CFAP52: variants seen among roughly 807,000 people sequenced by gnomAD.
CFAP52 encodes cilia and flagella associated protein 52, also known as cilia- and flagella-associated protein 52.
CFAP52 carries 57 observed loss-of-function variants against 70.5 expected under a neutral mutation model. The observed-to-expected ratio is 0.81, with a 90% CI of 0.65 to 1.01. The LOEUF (loss-of-function observed/expected upper bound fraction) is 1.01, where lower values mean the gene tolerates loss of function less well. CFAP52 is among the 50% of genes least tolerant of loss of function. The pLI is 0.00. For missense variants in CFAP52, 785 were observed against 788.5 expected, an observed-to-expected ratio of 1.00 and a Z score of 0.05; for synonymous variants, 267 against 292.5, an observed-to-expected ratio of 0.91 and a Z score of 0.89.
At chr17:9,641,071 T>A (rs372593867) in intron 12 of CFAP52, among the ~76,000 whole-genome samples, 2 of 152,308 alleles carry the variant, frequency 1.3e-5, no homozygotes, top group African/African-American at 4.8e-5. Context: ...AGATTGTGCA[T>A]TCACAAAGTT....
chr17:9,580,244 A>G (rs1908151616), intron 1 of CFAP52, among the ~76,000 whole-genome samples: 1 of 151,256 alleles, frequency 6.6e-6, no homozygotes, highest in Non-Finnish European at 1.5e-5. Context: ...TTTATACCAC[A>G]CTAGCAGAGA....
intron 6 of CFAP52, among the ~76,000 whole-genome samples, chr17:9,601,252 G>C (rs1334072899): frequency 1.5e-5 from 2 of 136,484 alleles, no homozygotes; most frequent in Non-Finnish European, 3.1e-5. Context: ...TCACACACCA[G>C]GGACTGTTGT....
In CFAP52 at chr17:9,576,979, TG is replaced by T. The variant is rs1414188281; in HGVS notation, c.70+216del. On this transcript the variant is annotated intron_variant, in intron 1 of 13. Coordinates refer to ENST00000352665, the MANE Select transcript of CFAP52 (RefSeq NM_145054.5). ...TCGATCCAAGCCTCAGGGAGTGAGA[TG>T]GTTTTTACCAGCTCGGACAAGCGCC... Among the ~76,000 whole-genome samples the T allele has an allele frequency of 2.0e-5, 3 of 152,238 alleles. No homozygotes were observed. The East Asian group carries it at 5.8e-4, about 29-fold the overall frequency.
At chr17:9,644,098 G>GT (rs1341690515), downstream of CFAP52, among the ~76,000 whole-genome samples, 1 of 152,162 alleles carries the variant, frequency 6.6e-6, no homozygotes, top group Non-Finnish European at 1.5e-5. Context: ...GAAAGATCAA[G>GT]TTTTTTGTTT....
chr17:9,584,257 A>C (rs1908346663), intron 1 of CFAP52: 9 of 1,280,314 alleles, frequency 7.0e-6, no homozygotes, highest in Non-Finnish European at 9.1e-6. Flanking sequence ...TCAAGCATAC[A>C]AACTTTTCTC....
At chr17:9,592,249 G>A (rs1348378012) in intron 3 of CFAP52, among the ~76,000 whole-genome samples, 2 of 152,022 alleles carry the variant, frequency 1.3e-5, no homozygotes, top group African/African-American at 4.8e-5. Context: ...GATCGCCTGA[G>A]GTCAGGAGTT....
intron 6 of CFAP52, 108 bp from the exon 7 acceptor site, chr17:9,608,011 T>C: frequency 1.3e-6 from 1 of 751,422 alleles, no homozygotes; most frequent in East Asian, 2.9e-5. Context: ...ATTTTTTTTA[T>C]TGCCATATGT....
chr17:9,579,758 G>T (rs998394541), intron 1 of CFAP52, among the ~76,000 whole-genome samples: 4 of 152,118 alleles, frequency 2.6e-5, no homozygotes, highest in African/African-American at 9.7e-5. Context: ...AATAGACACG[G>T]TGTTTCGCCA....
intron 3 of CFAP52, among the ~76,000 whole-genome samples, chr17:9,587,831 C>G (rs1393884511): frequency 6.6e-6 from 1 of 152,170 alleles, no homozygotes; most frequent in Non-Finnish European, 1.5e-5. Context: ...GTGACAAGGG[C>G]CCTGTCCCCT....
chr17:9,606,006 G>A (rs1013287321), intron 6 of CFAP52, among the ~76,000 whole-genome samples: 1 of 152,072 alleles, frequency 6.6e-6, no homozygotes, highest in Non-Finnish European at 1.5e-5. Context: ...GGGGAAAGAA[G>A]TATTGGGGAA....
At position 9,602,664 on chromosome 17, in the gene CFAP52, G is replaced by C. The variant is rs200347632; in HGVS notation, c.753+2481G>C. On this transcript the variant is annotated intron_variant, in intron 6 of 13. Transcript: ENST00000352665. The stretch of plus-strand genomic sequence containing the variant: ...GATTGCTGGGTCAAATGGTATTTCT[G>C]GTTCTAGATCCTTGAGGAATCACCA... Among the ~76,000 whole-genome samples the C allele has an allele frequency of 7.2e-5, 11 of 152,184 alleles. No homozygotes were observed. The South Asian group carries it at 2.3e-3, about 32-fold the overall frequency.
Position 9,585,914 on chromosome 17 carries a change from C to T in CFAP52, c.212C>T (p.Ala71Val). The stretch of plus-strand genomic sequence containing the variant: ...CATGGCAACAACGTCTCCTGCTTGG[C>T]CATCTCCAGGTCTGGAGAGTACATC... ...QGHGNNVSCL[A>V]ISRSGEYIAS... The change falls in exon 2 of 14, where the codon GCC becomes GTC. Residue 71 changes from alanine to valine, a missense_variant. Coordinates refer to ENST00000352665, the MANE Select transcript of CFAP52 (RefSeq NM_145054.5). 1 of 1,613,782 alleles carries T rather than the reference C, an allele frequency of 6.2e-7. No homozygotes were observed. The highest frequency in any genetic ancestry group is 8.5e-7 in the Non-Finnish European group (1 of 1,179,948).
chr17:9,583,929 AT>A (rs1404370234), intron 1 of CFAP52, among the ~76,000 whole-genome samples: 1 of 152,246 alleles, frequency 6.6e-6, no homozygotes, highest in Non-Finnish European at 1.5e-5. Flanking sequence ...GGTTAGCTTT[AT>A]TGGAGAAGCC....
intron 8 of CFAP52, among the ~76,000 whole-genome samples, chr17:9,627,560 G>T (rs181743544): frequency 2.6e-5 from 4 of 151,994 alleles, no homozygotes; most frequent in South Asian, 4.2e-4. Context: ...ACAGGAAAGG[G>T]TTTGTTTATT....
At chr17:9,627,925 C>G (rs1374524487) in intron 8 of CFAP52, among the ~76,000 whole-genome samples, 2 of 152,096 alleles carry the variant, frequency 1.3e-5, no homozygotes, top group Non-Finnish European at 2.9e-5. Flanking sequence ...GGCAGGGTCT[C>G]ACTATGTTGC....
chr17:9,601,406 TATA>T (rs1301409599), intron 6 of CFAP52, among the ~76,000 whole-genome samples: 4 of 151,970 alleles, frequency 2.6e-5, no homozygotes, highest in Non-Finnish European at 4.4e-5. Flanking sequence ...AAACTTAAAG[TATA>T]ATAATAATAA....
intron 6 of CFAP52, among the ~76,000 whole-genome samples, chr17:9,604,367 A>C (rs1267204870): frequency 6.6e-6 from 1 of 152,204 alleles, no homozygotes; most frequent in East Asian, 1.9e-4. Context: ...ATATTGGCAA[A>C]AGACATACCT....
chr17:9,629,688 C>T (rs999405667), intron 9 of CFAP52, among the ~76,000 whole-genome samples: 30 of 147,388 alleles, frequency 2.0e-4, no homozygotes, highest in African/African-American at 5.9e-4. Context: ...GCTGGGATTA[C>T]AGGCACGCTC....
At chr17:9,641,637 T>A in intron 12 of CFAP52, 87 bp from the exon 13 acceptor site, 1 of 948,372 alleles carries the variant, frequency 1.1e-6, no homozygotes, top group South Asian at 1.4e-5. Context: ...CTCCCTTCTA[T>A]ATAAAGTAGA....
Sources: allele counts gnomAD v4.1 joint callset (sites outside exome capture counted in the v4.1 genomes callset), GRCh38; gene constraint gnomAD v4.1.1; transcripts MANE v1.5; gene names NCBI Gene and HGNC (gene_info 2026-07-23, HGNC 2026-07-21).